The following ADAMTS9 variants were observed in gnomAD, a reference collection of about 807,000 sequenced individuals.
ADAMTS9 encodes the protein ADAM metallopeptidase with thrombospondin type 1 motif 9, also known as A disintegrin and metalloproteinase with thrombospondin motifs 9.
A neutral mutation model predicts 257.1 loss-of-function variants in ADAMTS9; 107 were observed. The ratio of observed to expected loss-of-function variants is 0.42; its 90% CI spans 0.36 to 0.49. The LOEUF (loss-of-function observed/expected upper bound fraction) is 0.49. Among genes scored for constraint, ADAMTS9 ranks in the 20% least tolerant of loss-of-function variants. The pLI, the probability that ADAMTS9 is intolerant of heterozygous loss-of-function variation, is 0.03. For missense variants in ADAMTS9, 2,353 were observed against 2,469.1 expected, an observed-to-expected ratio of 0.95 and a Z score of 1.00; for synonymous variants, 982 against 880.9, an observed-to-expected ratio of 1.11 and a Z score of -2.03.
rs543387674 is a variant in ADAMTS9 at position 64,561,715 on chromosome 3, G to C, written c.4561C>G (p.His1521Asp). The C allele has an allele frequency of 3.7e-5, 59 of 1,610,556 alleles. No homozygotes were observed. The South Asian group carries it at 6.5e-4, about 18-fold the overall frequency. ...TGTGTTCCGATCTGACAGCCCACAT[G>C]CCTCTGCTGTACGCCTCGGCCACAG... ...VSCGRGVQQR[H>D]VGCQIGTHKI... is the part of the protein sequence containing the mutation. Residue 1521 changes from histidine to aspartate, a missense_variant, in exon 30 of 40, where the codon CAT becomes GAT. Transcript: ENST00000498707.
In ADAMTS9 at chr3:64,559,656, C is replaced by G. The variant is rs990175270; in HGVS notation, c.4698+1922G>C. The stretch of plus-strand genomic sequence containing the variant: ...TGAGTAAGGTTTAAAAAAGATCCAT[C>G]TGCACGACACATGCAAAGAAGTAAA... On this transcript the variant is annotated intron_variant, in intron 30 of 39. Transcript: ENST00000498707. Among the ~76,000 whole-genome samples, 91 of 152,222 alleles carry G rather than the reference C, an allele frequency of 6.0e-4. 2 individuals are homozygous for G. The highest frequency in any genetic ancestry group is 6.0e-3 in the Admixed American group (91 of 15,286).
chr3:64,528,027 A>T (rs148991205), intron 38 of ADAMTS9, among the ~76,000 whole-genome samples: 11 of 152,314 alleles, frequency 7.2e-5, no homozygotes, highest in African/African-American at 2.2e-4. Context: ...ACTTCAAAGC[A>T]ATTCTTTGAT....
At chr3:64,571,063 G>A (rs1426925249) in intron 28 of ADAMTS9, among the ~76,000 whole-genome samples, 4 of 152,134 alleles carry the variant, frequency 2.6e-5, no homozygotes, top group Non-Finnish European at 5.9e-5. Flanking sequence ...GTCCAAACAA[G>A]CTGTCTCTTA....
At chr3:64,551,898 C>T (rs563229000) in intron 30 of ADAMTS9, among the ~76,000 whole-genome samples, 26 of 152,272 alleles carry the variant, frequency 1.7e-4, no homozygotes, top group Admixed American at 1.4e-3. Context: ...TTCCTTTAGC[C>T]CCAGGTGCCT....
intron 31 of ADAMTS9, 131 bp downstream of exon 31, chr3:64,550,761 A>G (rs1268791957): frequency 2.7e-6 from 3 of 1,111,866 alleles, no homozygotes; most frequent in African/African-American, 3.1e-5. Flanking sequence ...CAGAAAACAC[A>G]CAGTTCACAG....
intron 30 of ADAMTS9, among the ~76,000 whole-genome samples, chr3:64,559,889 A>T (rs980251872): frequency 2.0e-5 from 3 of 152,246 alleles, no homozygotes; most frequent in Non-Finnish European, 4.4e-5. Context: ...TCCTCGGAGC[A>T]GGGTTGAGTT....
intron 14 of ADAMTS9, 73 bp downstream of exon 14, chr3:64,633,399 T>G: frequency 1.3e-6 from 2 of 1,585,484 alleles, no homozygotes; most frequent in South Asian, 1.2e-5. Context: ...CAGTTGCTAT[T>G]CTATCTAGGA....
chr3:64,665,239 CT>C (rs1330043806), intron 3 of ADAMTS9, among the ~76,000 whole-genome samples: 1 of 152,164 alleles, frequency 6.6e-6, no homozygotes, highest in East Asian at 1.9e-4. Context: ...GCTTTTGCAA[CT>C]ACTTTGGCGT....
intron 28 of ADAMTS9, among the ~76,000 whole-genome samples, chr3:64,584,987 T>A (rs578105080): frequency 6.6e-6 from 1 of 152,296 alleles, no homozygotes; most frequent in East Asian, 1.9e-4. Context: ...GTTAGCTCTT[T>A]ACTTCCATAT....
At chr3:64,591,938 T>C (rs1472664995) in intron 28 of ADAMTS9, among the ~76,000 whole-genome samples, 1 of 152,148 alleles carries the variant, frequency 6.6e-6, no homozygotes, top group Non-Finnish European at 1.5e-5. Context: ...TCACCGTCAG[T>C]TACAATGATG....
At position 64,634,422 on chromosome 3, in the gene ADAMTS9, T is replaced by C. The variant is rs75097643; in HGVS notation, c.1857-543A>G. On this transcript the variant is annotated intron_variant, in intron 12 of 39. Transcript: ENST00000498707. The stretch of plus-strand genomic sequence containing the variant: ...CCAGACAACCATTGTTTTTGCTTTT[T>C]TGTTTCACAAATAAAATGGAATAAT... Among the ~76,000 whole-genome samples, 524 of 152,360 alleles carry C rather than the reference T, an allele frequency of 3.4e-3. 14 individuals are homozygous for C. The East Asian group carries it at 0.045, about 13-fold the overall frequency.
rs1700089818 is a variant in ADAMTS9 at position 64,621,015 on chromosome 3, A to G, written c.2813+99T>C. On this transcript the variant is annotated intron_variant, in intron 19 of 39. Transcript: ENST00000498707. ...TTTCACTGAAACACAAGAAAGGGGAACTAAAGACCAGCATCCCCTCCTTTT... is the reference window on the plus strand; with the variant it reads ...TTTCACTGAAACACAAGAAAGGGGAGCTAAAGACCAGCATCCCCTCCTTTT... The G allele has an allele frequency of 2.1e-6, 3 of 1,409,958 alleles. No individual in the cohort carries two copies. In the East Asian group the frequency reaches 7.0e-5, roughly 33 times the overall value. 87.3% of individuals were successfully genotyped at this position (1,409,958 alleles called of 1,614,324 possible). A position where few individuals can be genotyped will look rare whatever the true frequency, so the allele number is the denominator to read the frequency against.
At chr3:64,587,047 T>C (rs1047264671) in intron 28 of ADAMTS9, 5 of 152,328 alleles carry the variant, frequency 3.3e-5, no homozygotes, top group Middle Eastern at 3.4e-3. Flanking sequence ...ACTGAACTTA[T>C]GGCCACGATG....
chr3:64,588,330 G>A (rs1335313577), intron 28 of ADAMTS9: 1 of 152,034 alleles, frequency 6.6e-6, no homozygotes, highest in Admixed American at 6.6e-5. Flanking sequence ...TTAGAACAAA[G>A]AGCTCTAACT....
chr3:64,564,244 T>C (rs561908146), intron 29 of ADAMTS9, among the ~76,000 whole-genome samples: 27 of 152,310 alleles, frequency 1.8e-4, no homozygotes, highest in African/African-American at 5.5e-4. Flanking sequence ...ATGTTTCATC[T>C]CTCTCTACTC....
At chr3:64,602,644 C>G (rs1212336015) in intron 25 of ADAMTS9, among the ~76,000 whole-genome samples, 1 of 152,188 alleles carries the variant, frequency 6.6e-6, no homozygotes, top group Non-Finnish European at 1.5e-5. Flanking sequence ...TGAGGGACTT[C>G]ATACCTACTG....
chr3:64,586,167 T>G (rs1314975265), intron 28 of ADAMTS9, among the ~76,000 whole-genome samples: 2 of 152,098 alleles, frequency 1.3e-5, no homozygotes, highest in African/African-American at 4.8e-5. Context: ...CTAAGCAACT[T>G]CTCTGATGGT....
chr3:64,687,452 A>T lies in ADAMTS9; in HGVS notation c.115+91T>A. ...ATAATTCTTTCTAGGAAAAGGAGAG[A>T]AGCCTCCGCTGCGGGGTGCCCCTGC... On this transcript the variant is annotated intron_variant, in intron 1 of 39. Transcript: ENST00000498707. This position sits in a 1 kb window ranked among gnomAD's most constrained non-coding sequence, Gnocchi z 4.4. 1 of 1,033,684 alleles carries T rather than the reference A, an allele frequency of 9.7e-7. No homozygotes were observed. 64.0% of individuals were successfully genotyped at this position (1,033,684 alleles called of 1,614,324 possible). A position where few individuals can be genotyped will look rare whatever the true frequency, so the allele number is the denominator to read the frequency against.
chr3:64,641,360 T>C (rs1309668113), intron 12 of ADAMTS9, among the ~76,000 whole-genome samples: 1 of 151,876 alleles, frequency 6.6e-6, no homozygotes, highest in Non-Finnish European at 1.5e-5. Flanking sequence ...AGGGTACACG[T>C]GCACAATGTG....
Sources: allele counts gnomAD v4.1 joint callset (sites outside exome capture counted in the v4.1 genomes callset), GRCh38; gene constraint gnomAD v4.1.1; non-coding constraint Gnocchi (gnomAD v3.1); transcripts MANE v1.5; gene names NCBI Gene and HGNC (gene_info 2026-07-23, HGNC 2026-07-21).